Variants in EFCAB13 observed in about 807,000 individuals in gnomAD.
The protein encoded by EFCAB13 is EF-hand calcium binding domain 13, also known as EF-hand calcium-binding domain-containing protein 13.
A neutral mutation model predicts 110.2 loss-of-function variants in EFCAB13; 91 were observed. The ratio of observed to expected loss-of-function variants is 0.83; its 90% CI spans 0.70 to 0.98. The LOEUF (loss-of-function observed/expected upper bound fraction) is 0.98. Ranked by LOEUF, EFCAB13 falls within the 50% of genes least tolerant of loss-of-function variation. The pLI is 0.00. For missense variants in EFCAB13, 968 were observed against 1,119.4 expected, an observed-to-expected ratio of 0.86 and a Z score of 1.93; for synonymous variants, 323 against 369.9, an observed-to-expected ratio of 0.87 and a Z score of 1.45.
chr17:47,404,145 A>G, intron 19 of EFCAB13, 124 bp downstream of exon 19: 1 of 801,174 alleles, frequency 1.2e-6, no homozygotes, highest in Non-Finnish European at 1.8e-6. Context: ...TTTCCTCTTA[A>G]TTTCCTCTTT....
intron 14 of EFCAB13, among the ~76,000 whole-genome samples, chr17:47,384,971 C>T (rs1201874836): frequency 6.6e-6 from 1 of 152,106 alleles, no homozygotes; most frequent in African/African-American, 2.4e-5. Flanking sequence ...TGGGGTTTCA[C>T]CGTGTTAGCC....
intron 23 of EFCAB13, among the ~76,000 whole-genome samples, chr17:47,423,829 G>A (rs1904823080): frequency 6.6e-6 from 1 of 150,856 alleles, no homozygotes; most frequent in African/African-American, 2.5e-5. Context: ...CCCTCCTGCT[G>A]AGCTTTGCTG....
At chr17:47,345,647 G>A (rs1375605162) in intron 8 of EFCAB13, among the ~76,000 whole-genome samples, 2 of 152,124 alleles carry the variant, frequency 1.3e-5, no homozygotes, top group Non-Finnish European at 2.9e-5. Context: ...TGATTCTCCT[G>A]ACCAACACTG....
At chr17:47,434,764 A>T (rs186721982) in intron 24 of EFCAB13, among the ~76,000 whole-genome samples, 1 of 152,068 alleles carries the variant, frequency 6.6e-6, no homozygotes, top group East Asian at 1.9e-4. Context: ...ATCTTCGACA[A>T]AACAAACAAA....
chr17:47,402,390 T>G (rs2065784023), intron 18 of EFCAB13, among the ~76,000 whole-genome samples, 187 bp downstream of exon 18: 1 of 152,248 alleles, frequency 6.6e-6, no homozygotes, highest in East Asian at 1.9e-4. Flanking sequence ...GCTTTCAGAA[T>G]GTATCCTTCA....
At chr17:47,341,771 G>C in intron 5 of EFCAB13, 150 bp from the exon 6 acceptor site, 1 of 556,574 alleles carries the variant, frequency 1.8e-6, no homozygotes, top group Non-Finnish European at 3.2e-6. Context: ...AACAGGGATG[G>C]GATATAGATG....
intron 17 of EFCAB13, among the ~76,000 whole-genome samples, chr17:47,398,163 G>A (rs1164934881): frequency 3.6e-5 from 5 of 139,884 alleles, no homozygotes; most frequent in South Asian, 4.8e-4. Context: ...GGTGAGGGGC[G>A]CCTCTGCCCA....
chr17:47,396,845 A>G (rs1456825267), intron 17 of EFCAB13, among the ~76,000 whole-genome samples: 1 of 152,072 alleles, frequency 6.6e-6, no homozygotes, highest in East Asian at 1.9e-4. Flanking sequence ...GCTAATTTCT[A>G]CCCAATAATA....
intron 22 of EFCAB13, 111 bp downstream of exon 22, chr17:47,413,027 G>C (rs2065844369): frequency 1.7e-6 from 2 of 1,161,906 alleles, no homozygotes; most frequent in Non-Finnish European, 2.4e-6. Flanking sequence ...TTTTCTTTTG[G>C]AGGCTTAGGT....
intron 24 of EFCAB13, 146 bp from the exon 25 acceptor site, chr17:47,440,285 C>A: frequency 1.5e-6 from 1 of 653,068 alleles, no homozygotes; most frequent in Non-Finnish European, 2.4e-6. Flanking sequence ...TAATCATATG[C>A]ATGCAAGAGG....
At chr17:47,330,333 T>A (rs1403411475) in intron 4 of EFCAB13, among the ~76,000 whole-genome samples, 1 of 152,020 alleles carries the variant, frequency 6.6e-6, no homozygotes, top group Admixed American at 6.6e-5. Context: ...TTCAGTAGCT[T>A]CAGGGGTACA....
chr17:47,421,641 G>GAAAAAA (rs375256582), intron 23 of EFCAB13, among the ~76,000 whole-genome samples: 167 of 128,996 alleles, frequency 1.3e-3, no homozygotes, highest in Middle Eastern at 0.012. Flanking sequence ...AAGAAAGAAA[G>GAAAAAA]AAAAAAAAAA....
rs2143519683 is a variant in EFCAB13 at position 47,431,132 on chromosome 17, T to C, written c.2638+1171T>C. ...TTAGAAACATTCCAATTTCACTCTT[T>C]GTTATTTTGAAATATAAAATAAATT... On this transcript the variant is annotated intron_variant, in intron 24 of 24. Coordinates refer to ENST00000331493, the MANE Select transcript of EFCAB13 (RefSeq NM_152347.5). This position sits in a 1 kb window ranked among gnomAD's most constrained non-coding sequence, Gnocchi z 4.1. Among the ~76,000 whole-genome samples, 2 of 152,196 alleles carry C rather than the reference T, an allele frequency of 1.3e-5. No individual in the cohort carries two copies. Among genetic ancestry groups the C allele is most frequent in the South Asian group, 4.1e-4 (2 of 4,828 alleles).
intron 22 of EFCAB13, among the ~76,000 whole-genome samples, chr17:47,414,539 G>A (rs1245028882): frequency 6.7e-6 from 1 of 150,224 alleles, no homozygotes; most frequent in Middle Eastern, 3.5e-3. Flanking sequence ...ATAGGCATGC[G>A]AAGAGTATGC....
intron 17 of EFCAB13, among the ~76,000 whole-genome samples, chr17:47,397,256 C>T (rs1427221228): frequency 3.3e-5 from 5 of 152,180 alleles, no homozygotes; most frequent in Non-Finnish European, 7.3e-5. Context: ...GCGAGTGATC[C>T]GCCAGCCTCG....
At chr17:47,385,445 T>A (rs2143394529) in intron 14 of EFCAB13, among the ~76,000 whole-genome samples, 1 of 152,020 alleles carries the variant, frequency 6.6e-6, no homozygotes. Flanking sequence ...CAGCTATTGA[T>A]ACTTGTGTAT....
At chr17:47,387,405 T>C (rs74464958) in intron 14 of EFCAB13, among the ~76,000 whole-genome samples, 3,441 of 152,330 alleles carry the variant, frequency 0.023, 106 homozygotes, top group East Asian at 0.18. Flanking sequence ...GAATGGTGTG[T>C]TGAAGTCCTC....
intron 14 of EFCAB13, among the ~76,000 whole-genome samples, chr17:47,385,204 G>C (rs1479454686): frequency 6.6e-6 from 1 of 152,038 alleles, no homozygotes. Context: ...GCTAGATTGG[G>C]GAAGTTCTCC....
chr17:47,414,255 G>T (rs781145328), intron 22 of EFCAB13, among the ~76,000 whole-genome samples: 10 of 148,720 alleles, frequency 6.7e-5, no homozygotes, highest in Non-Finnish European at 1.2e-4. Context: ...GTGTGTGCAC[G>T]TGCGTGTGTG....
Sources: allele counts gnomAD v4.1 joint callset (sites outside exome capture counted in the v4.1 genomes callset), GRCh38; gene constraint gnomAD v4.1.1; non-coding constraint Gnocchi (gnomAD v3.1); transcripts MANE v1.5; gene names NCBI Gene and HGNC (gene_info 2026-07-23, HGNC 2026-07-21).